DZIP3: variants seen among roughly 807,000 people sequenced by gnomAD.
The protein encoded by DZIP3 is E3 ubiquitin-protein ligase DZIP3.
A neutral mutation model predicts 162.0 loss-of-function variants in DZIP3; 118 were observed. That is an observed-to-expected ratio of 0.73 (90% CI 0.63 to 0.85). The LOEUF (loss-of-function observed/expected upper bound fraction) is 0.85, where lower values mean the gene tolerates loss of function less well. DZIP3 is among the 40% of genes least tolerant of loss of function. The probability of loss-of-function intolerance (pLI) is 0.00; values close to 1 mark genes in which losing one functional copy is unlikely to be tolerated. For missense variants in DZIP3, 1,331 were observed against 1,407.0 expected (o/e 0.95, Z 0.86); for synonymous variants, 438 against 458.6 (o/e 0.96, Z 0.57).
chr3:108,655,817 C>T (rs945487628), intron 19 of DZIP3, among the ~76,000 whole-genome samples: 15 of 152,280 alleles, frequency 9.9e-5, no homozygotes, highest in East Asian at 5.8e-4. Context: ...GCTTTTCTGA[C>T]GGTCTCAGCA....
chr3:108,655,557 G>T (rs1943069599), intron 19 of DZIP3, among the ~76,000 whole-genome samples: 1 of 152,158 alleles, frequency 6.6e-6, no homozygotes, highest in South Asian at 2.1e-4. Flanking sequence ...CCAGTCTACA[G>T]CTCCCACCGT....
intron 5 of DZIP3, among the ~76,000 whole-genome samples, chr3:108,621,888 A>T (rs1049730282): frequency 1.3e-5 from 2 of 152,152 alleles, no homozygotes; most frequent in African/African-American, 4.8e-5. Flanking sequence ...AATAACGAAA[A>T]TATGGTACAT....
At chr3:108,677,145 A>G (rs547894055) in intron 25 of DZIP3, among the ~76,000 whole-genome samples, 1 of 152,164 alleles carries the variant, frequency 6.6e-6, no homozygotes, top group South Asian at 2.1e-4. Flanking sequence ...TAGCCAGTAT[A>G]ATATTTATAG....
In DZIP3 at chr3:108,672,660, A is replaced by T. The variant is rs1408658194; in HGVS notation, c.2589+4A>T. ...TAGCAGAGCTTTAACAGCCGAGGTA[A>T]CAACAAAACGGGGACAGGGGTATGG... On this transcript the variant is annotated splice_donor_region_variant and intron_variant, in intron 23 of 32. Transcript: ENST00000361582. 1 of 1,610,966 alleles carries T rather than the reference A, an allele frequency of 6.2e-7. No individual in the cohort carries two copies. The highest frequency in any genetic ancestry group is 8.5e-7 in the Non-Finnish European group (1 of 1,178,050).
chr3:108,688,871 CTG>C lies in DZIP3; in HGVS notation c.3465_3466del (p.Pro1157ArgfsTer18), dbSNP rs767139906. On this transcript the variant is annotated frameshift_variant, in exon 31 of 33. Coordinates refer to ENST00000361582, the MANE Select transcript of DZIP3 (RefSeq NM_014648.4). LOFTEE classifies it high-confidence loss of function. ...GCCTTGTGTGATCTGTCATGAGAATCTGTCTCCAGAAAATCTTTCAGTTTTGC... is the reference window on the plus strand; with the variant it reads ...GCCTTGTGTGATCTGTCATGAGAATCTCTCCAGAAAATCTTTCAGTTTTGC... The part of the protein sequence containing the change: ...EEPCVICHEN[L>X]SPENLSVLPC... The C allele has an allele frequency of 6.2e-7, 1 of 1,614,194 alleles. No individual in the cohort carries two copies. The highest frequency in any genetic ancestry group is 8.5e-7 in the Non-Finnish European group (1 of 1,180,032).
At chr3:108,631,559 T>C (rs575930406) in intron 8 of DZIP3, among the ~76,000 whole-genome samples, 6 of 145,266 alleles carry the variant, frequency 4.1e-5, no homozygotes, top group African/African-American at 1.5e-4. Flanking sequence ...TAAAAAAAAT[T>C]ATTATTATTA....
intron 6 of DZIP3, 120 bp from the exon 7 acceptor site, chr3:108,625,725 C>A: frequency 1.0e-6 from 1 of 957,142 alleles, no homozygotes; most frequent in Non-Finnish European, 1.5e-6. Context: ...AATAAATGAC[C>A]AGATGATTGT....
chr3:108,638,535 TC>T (rs1350950986), intron 12 of DZIP3, among the ~76,000 whole-genome samples: 1 of 152,170 alleles, frequency 6.6e-6, no homozygotes, highest in African/African-American at 2.4e-5. Context: ...GCCAGGATGG[TC>T]TTGATCTCCT....
intron 27 of DZIP3, among the ~76,000 whole-genome samples, chr3:108,685,145 A>C (rs1944452146): frequency 2.6e-5 from 4 of 152,178 alleles, no homozygotes; most frequent in Admixed American, 2.6e-4. Flanking sequence ...GTCTATAAAC[A>C]AATCTGTATA....
At position 108,644,313 on chromosome 3, in the gene DZIP3, G is replaced by A. The variant is rs748292207; in HGVS notation, c.1291G>A (p.Val431Met). ...LKKELLIHKN[V>M]LESYYNHLWT... ...AAAAGAGCTTCTTATACACAAGAAT[G>A]TGCTGGAATCCTACTACAACCATCT... is the stretch of plus-strand genomic sequence containing the variant. The change falls in exon 14 of 33, where the codon GTG becomes ATG. Residue 431 changes from valine to methionine, a missense_variant. By Grantham distance (21) the Val-to-Met change is conservative. This residue lies in a region of DZIP3 where 1,278 missense variants were observed against 1,317.1 expected (regional missense o/e 0.97). Coordinates refer to ENST00000361582, the MANE Select transcript of DZIP3 (RefSeq NM_014648.4). 1.2e-6 allele frequency: 2 copies of A among 1,614,064 alleles called. No individual in the cohort carries two copies. The highest frequency in any genetic ancestry group is 2.2e-5 in the East Asian group (1 of 44,868).
At chr3:108,607,077 G>A (rs1183400131) in intron 2 of DZIP3, among the ~76,000 whole-genome samples, 1 of 152,022 alleles carries the variant, frequency 6.6e-6, no homozygotes, top group Non-Finnish European at 1.5e-5. Context: ...TTTATTTTTT[G>A]TAGGGCAAGT....
At position 108,610,543 on chromosome 3, in the gene DZIP3, T is replaced by C. The variant is rs766787547; in HGVS notation, c.103-631T>C. Among the ~76,000 whole-genome samples the C allele has an allele frequency of 2.7e-4, 41 of 152,164 alleles. 1 individual carries two copies. The highest frequency in any genetic ancestry group is 1.3e-4 in the Non-Finnish European group (9 of 68,022). ...TCTATGGGGCTTCTGCAATAAGAAG[T>C]TCTTATTTTCAGAGATCAACAGCAA... On this transcript the variant is annotated intron_variant, in intron 3 of 32. Transcript: ENST00000361582.
Position 108,625,906 on chromosome 3 carries a change from T to C in DZIP3, c.518T>C (p.Ile173Thr). The C allele has an allele frequency of 6.2e-7, 1 of 1,613,688 alleles. No individual in the cohort carries two copies. The highest frequency in any genetic ancestry group is 1.3e-5 in the African/African-American group (1 of 75,014). The change falls in exon 7 of 33, where the codon ATT becomes ACT. Residue 173 changes from isoleucine (I) to threonine (T), a missense_variant. Ile to Thr is a moderately conservative substitution (Grantham distance 89). This residue lies in a region of DZIP3 where 1,278 missense variants were observed against 1,317.1 expected (regional missense o/e 0.97). Coordinates refer to ENST00000361582, the MANE Select transcript of DZIP3 (RefSeq NM_014648.4). ...AAGATGATGATCCAAGAAAATGAAA[T>C]TTGTGAAAACTTTATGTCTTTAGTT... Reference protein sequence around the residue: ...VMKMMIQENEICENFMSLVYF... With the variant: ...VMKMMIQENETCENFMSLVYF...
At chr3:108,593,645 G>A (rs1198402457) in intron 1 of DZIP3, among the ~76,000 whole-genome samples, 12 of 149,664 alleles carry the variant, frequency 8.0e-5, no homozygotes, top group African/African-American at 2.7e-4. Flanking sequence ...GTGGTAGATG[G>A]TAGAAATTTA....
At chr3:108,618,892 G>T (rs1276157327) in intron 5 of DZIP3, among the ~76,000 whole-genome samples, 1 of 151,340 alleles carries the variant, frequency 6.6e-6, no homozygotes, top group East Asian at 1.9e-4. Context: ...GAAACCCCGT[G>T]TGTACCAAAA....
At chr3:108,605,059 T>G (rs941105595) in intron 1 of DZIP3, among the ~76,000 whole-genome samples, 1 of 152,182 alleles carries the variant, frequency 6.6e-6, no homozygotes, top group African/African-American at 2.4e-5. Context: ...TAAAATAACA[T>G]GAAAGATTCT....
chr3:108,646,654 G>C lies in DZIP3; in HGVS notation c.1792+5G>C. The C allele has an allele frequency of 6.5e-7, 1 of 1,547,228 alleles. No individual in the cohort carries two copies. Among genetic ancestry groups the C allele is most frequent in the East Asian group, 2.4e-5 (1 of 42,398 alleles). Reference sequence around the variant, plus strand: ...AGTCAATAACAGGCAGTCAGCGTAAGTATATTTAGAAATAAAATGTGTAAA... The same window carrying C: ...AGTCAATAACAGGCAGTCAGCGTAACTATATTTAGAAATAAAATGTGTAAA... On this transcript the variant is annotated splice_donor_5th_base_variant and intron_variant, in intron 15 of 32. Coordinates refer to ENST00000361582, the MANE Select transcript of DZIP3 (RefSeq NM_014648.4).
intron 1 of DZIP3, chr3:108,602,962 G>A (rs984647195): frequency 6.6e-6 from 1 of 152,060 alleles, no homozygotes; most frequent in African/African-American, 2.4e-5. Context: ...CTGTTAATTC[G>A]GGATCCAAGT....
intron 5 of DZIP3, among the ~76,000 whole-genome samples, chr3:108,622,880 C>CTCTCTGTGTGTGTGTGTG (rs796232998): frequency 9.4e-5 from 5 of 53,082 alleles, no homozygotes; most frequent in African/African-American, 3.9e-4. Context: ...CTCTCTCTCT[C>CTCTCTGTGTGTGTGTGTG]TGTGTGTGTG....
Sources: allele counts gnomAD v4.1 joint callset (sites outside exome capture counted in the v4.1 genomes callset), GRCh38; gene constraint gnomAD v4.1.1; regional missense constraint gnomAD v4.1.1; transcripts MANE v1.5; gene names NCBI Gene and HGNC (gene_info 2026-07-23, HGNC 2026-07-21).